TGFBR3: variants seen among roughly 807,000 people sequenced by gnomAD.
The protein encoded by TGFBR3 is transforming growth factor beta receptor type 3.
A neutral mutation model predicts 87.9 loss-of-function variants in TGFBR3; 46 were observed. The observed-to-expected ratio is 0.52, with a 90% CI of 0.41 to 0.67. The LOEUF (loss-of-function observed/expected upper bound fraction) is 0.67. TGFBR3 is among the 30% of genes least tolerant of loss of function. The pLI is 0.00. For missense variants in TGFBR3, 866 were observed against 1,041.9 expected (o/e 0.83, Z 2.32); for synonymous variants, 381 against 391.6 (o/e 0.97, Z 0.32).
At chr1:91,850,738 A>G (rs999831407) in intron 2 of TGFBR3, among the ~76,000 whole-genome samples, 5 of 148,970 alleles carry the variant, frequency 3.4e-5, no homozygotes, top group African/African-American at 1.0e-4. Flanking sequence ...CCAAGACTGC[A>G]CTACTGCACT....
At chr1:91,696,757 C>T (rs1187805756) in intron 15 of TGFBR3, among the ~76,000 whole-genome samples, 2 of 152,198 alleles carry the variant, frequency 1.3e-5, no homozygotes, top group Non-Finnish European at 1.5e-5. Context: ...ACTTTCTGCT[C>T]CAGTCAGAAG....
chr1:91,856,561 C>T (rs1677963876), intron 2 of TGFBR3, among the ~76,000 whole-genome samples: 1 of 152,210 alleles, frequency 6.6e-6, no homozygotes, highest in Non-Finnish European at 1.5e-5. Context: ...AATTTACGTG[C>T]TCCCTTGTGC....
intron 1 of TGFBR3, among the ~76,000 whole-genome samples, chr1:91,867,765 A>C (rs1678440538): frequency 6.6e-6 from 1 of 152,220 alleles, no homozygotes; most frequent in African/African-American, 2.4e-5. Flanking sequence ...TTGGGGGTTC[A>C]AAACCTGGCT....
intron 12 of TGFBR3, 119 bp from the exon 13 acceptor site, chr1:91,712,661 T>C (rs1001720246): frequency 2.5e-5 from 22 of 864,720 alleles, no homozygotes; most frequent in Admixed American, 1.8e-4. Flanking sequence ...CTTCATAACA[T>C]AGTTATAGCC....
At chr1:91,717,326 T>G (rs1479210365) in intron 10 of TGFBR3, among the ~76,000 whole-genome samples, 1 of 152,216 alleles carries the variant, frequency 6.6e-6, no homozygotes, top group Non-Finnish European at 1.5e-5. Flanking sequence ...CCCCTCTAAC[T>G]TTTGCTCATT....
At chr1:91,856,221 C>T (rs1385851883) in intron 2 of TGFBR3, among the ~76,000 whole-genome samples, 1 of 152,132 alleles carries the variant, frequency 6.6e-6, no homozygotes, top group South Asian at 2.1e-4. Context: ...CGCCACCGCG[C>T]GTGGCTAATT....
Position 91,727,689 on chromosome 1 carries a change from AGATTT to A in TGFBR3, c.850_854del (p.Lys284PhefsTer2), listed in dbSNP as rs1267293808. 6.2e-7 allele frequency: 1 copy of A among 1,614,000 alleles called. No individual in the cohort carries two copies. The highest frequency in any genetic ancestry group is 8.5e-7 in the Non-Finnish European group (1 of 1,180,000). ...TTTTCAGGCTTCCCTTAACATCAAA[AGATTT>A]GATCACCCAGTTGACAGACTTTTTG... On this transcript the variant is annotated frameshift_variant, in exon 7 of 17. Coordinates refer to ENST00000212355, the MANE Select transcript of TGFBR3 (RefSeq NM_003243.5). LOFTEE classifies it high-confidence loss of function.
chr1:91,834,598 T>TCTC (rs1162821900), intron 2 of TGFBR3, among the ~76,000 whole-genome samples: 1 of 152,192 alleles, frequency 6.6e-6, no homozygotes. Flanking sequence ...ATAAGCAGTT[T>TCTC]CTCCTCTGCT....
intron 2 of TGFBR3, among the ~76,000 whole-genome samples, chr1:91,824,064 A>C (rs564450041): frequency 6.6e-6 from 1 of 152,314 alleles, no homozygotes; most frequent in African/African-American, 2.4e-5. Context: ...TGGGAGGTTG[A>C]GGGTGCAGTG....
chr1:91,826,850 C>T (rs901917), intron 2 of TGFBR3, among the ~76,000 whole-genome samples: 131,925 of 151,874 alleles, frequency 0.87, 57,636 homozygotes, highest in Middle Eastern at 0.91. Context: ...GTCTCATTTC[C>T]TCCCGTCAGA....
At chr1:91,881,135 T>G (rs2101287743) in intron 1 of TGFBR3, among the ~76,000 whole-genome samples, 1 of 152,252 alleles carries the variant, frequency 6.6e-6, no homozygotes, top group African/African-American at 2.4e-5. Context: ...ACTCTAACTG[T>G]TCTGTCTGTT....
At chr1:91,834,642 A>G (rs942758840) in intron 2 of TGFBR3, among the ~76,000 whole-genome samples, 4 of 152,216 alleles carry the variant, frequency 2.6e-5, no homozygotes, top group African/African-American at 7.2e-5. Context: ...AGGAGGAGAA[A>G]TAGACAATGA....
At chr1:91,874,166 C>T (rs912007351) in intron 1 of TGFBR3, among the ~76,000 whole-genome samples, 14 of 152,022 alleles carry the variant, frequency 9.2e-5, no homozygotes, top group Non-Finnish European at 2.1e-4. Context: ...GCTAAGAAAA[C>T]AAAGCAGAAA....
chr1:91,782,856 G>A (rs937798130), intron 3 of TGFBR3, among the ~76,000 whole-genome samples: 3 of 152,180 alleles, frequency 2.0e-5, no homozygotes, highest in African/African-American at 7.2e-5. Flanking sequence ...ACCTCACTCT[G>A]GGAGGGGGAC....
intron 3 of TGFBR3, 115 bp downstream of exon 3, chr1:91,797,172 G>A (rs1331985827): frequency 6.2e-6 from 7 of 1,136,992 alleles, no homozygotes; most frequent in Non-Finnish European, 9.3e-6. Flanking sequence ...GTTCTCTTAT[G>A]TTCATACATG....
At chr1:91,852,317 C>A (rs1677767721) in intron 2 of TGFBR3, among the ~76,000 whole-genome samples, 1 of 152,110 alleles carries the variant, frequency 6.6e-6, no homozygotes, top group Admixed American at 6.5e-5. Context: ...CAGGTCCATA[C>A]AGGGCAAGGG....
At chr1:91,796,116 GTT>G (rs1675371087) in intron 3 of TGFBR3, among the ~76,000 whole-genome samples, 2 of 152,020 alleles carry the variant, frequency 1.3e-5, no homozygotes, top group African/African-American at 4.8e-5. Context: ...ATTTTTTGTG[GTT>G]TCTCTCTCCC....
intron 2 of TGFBR3, among the ~76,000 whole-genome samples, chr1:91,894,882 T>A (rs1679521924): frequency 6.6e-6 from 1 of 152,224 alleles, no homozygotes; most frequent in Non-Finnish European, 1.5e-5. Context: ...GAGATTCTCC[T>A]GCCTCAGCCT....
At chr1:91,826,214 T>C (rs908734061) in intron 2 of TGFBR3, among the ~76,000 whole-genome samples, 6 of 151,886 alleles carry the variant, frequency 4.0e-5, no homozygotes, top group African/African-American at 9.7e-5. Flanking sequence ...CACAGTGAGG[T>C]AGCACATTAG....
Sources: gnomAD v4.1 joint callset for allele counts (sites outside exome capture counted in the v4.1 genomes callset) on GRCh38, gnomAD v4.1.1 for gene constraint, MANE v1.5 for transcripts, NCBI Gene and HGNC (gene_info 2026-07-23, HGNC 2026-07-21) for gene names.